RANBP2: variants seen among roughly 807,000 people sequenced by gnomAD.
RANBP2 encodes the protein E3 SUMO-protein ligase RanBP2.
Under a neutral mutation model 303.6 loss-of-function variants are expected in RANBP2, and 57 were observed. The ratio of observed to expected loss-of-function variants is 0.19; its 90% CI spans 0.15 to 0.23. RANBP2 has a LOEUF of 0.23. Among genes scored for constraint, RANBP2 ranks in the 10% least tolerant of loss-of-function variants. RANBP2 has a pLI of 1.00. For missense variants in RANBP2, 3,138 were observed against 3,780.8 expected (o/e 0.83, Z 4.46); for synonymous variants, 1,167 against 1,301.5 (o/e 0.90, Z 2.23).
the RANBP2 span, among the ~76,000 whole-genome samples, chr2:109,117,872 T>C: frequency 1.3e-5 from 2 of 152,204 alleles, no homozygotes; most frequent in African/African-American, 4.8e-5. Flanking sequence ...CATCAGAAAG[T>C]GGAGTCTATT....
the RANBP2 span, among the ~76,000 whole-genome samples, chr2:109,699,050 AC>A: frequency 6.6e-6 from 1 of 152,112 alleles, no homozygotes; most frequent in South Asian, 2.1e-4. Flanking sequence ...AGCCACTTTA[AC>A]CCCAGTTGTA....
At chr2:109,756,569 C>A in the RANBP2 span, among the ~76,000 whole-genome samples, 1 of 121,314 alleles carries the variant, frequency 8.2e-6, no homozygotes, top group Non-Finnish European at 1.8e-5. Context: ...CCTGCAACCA[C>A]TGACATGGTT....
the RANBP2 span, among the ~76,000 whole-genome samples, chr2:109,605,885 C>T: frequency 9.9e-5 from 15 of 152,166 alleles, no homozygotes; most frequent in African/African-American, 3.6e-4. Flanking sequence ...GAAGAGTTAG[C>T]ATGACATCAG....
chr2:109,002,723 T>C, the RANBP2 span, among the ~76,000 whole-genome samples: 1 of 152,074 alleles, frequency 6.6e-6, no homozygotes, highest in African/African-American at 2.4e-5. Flanking sequence ...GGGTTTTGGG[T>C]GTTTTTGTTT....
the RANBP2 span, among the ~76,000 whole-genome samples, chr2:109,169,883 T>C: frequency 6.6e-6 from 1 of 152,150 alleles, no homozygotes; most frequent in Admixed American, 6.5e-5. Context: ...TCCCTCCCAC[T>C]GGCACCTGGC....
chr2:108,739,422 C>T (rs1008287588), intron 6 of RANBP2, among the ~76,000 whole-genome samples: 1 of 152,056 alleles, frequency 6.6e-6, no homozygotes, highest in Non-Finnish European at 1.5e-5. Flanking sequence ...AACAAAAAAA[C>T]TCAGCTCTAC....
At chr2:109,040,352 C>T in the RANBP2 span, among the ~76,000 whole-genome samples, 2 of 152,208 alleles carry the variant, frequency 1.3e-5, no homozygotes, top group Non-Finnish European at 2.9e-5. Context: ...TCATTACTTT[C>T]AGCTTTATAT....
the RANBP2 span, chr2:109,398,635 C>G: frequency 8.8e-6 from 14 of 1,596,898 alleles, no homozygotes; most frequent in Admixed American, 1.9e-4. Flanking sequence ...CAAGCCATGC[C>G]CAGCCGCTGC....
the RANBP2 span, among the ~76,000 whole-genome samples, chr2:109,019,579 C>T: frequency 6.6e-6 from 1 of 152,068 alleles, no homozygotes; most frequent in African/African-American, 2.4e-5. Flanking sequence ...GGAAGAACAC[C>T]CGACATGGGT....
chr2:109,799,221 G>C, the RANBP2 span, among the ~76,000 whole-genome samples: 2 of 120,432 alleles, frequency 1.7e-5, no homozygotes, highest in Admixed American at 1.7e-4. Context: ...CCTGGCGACA[G>C]AGCAAGACTC....
the RANBP2 span, among the ~76,000 whole-genome samples, chr2:109,774,513 T>TATATATAA: frequency 1.0e-4 from 7 of 67,112 alleles, no homozygotes; most frequent in Non-Finnish European, 1.5e-4. Flanking sequence ...TATATATATA[T>TATATATAA]AATATATATT....
chr2:109,112,861 G>A, the RANBP2 span, among the ~76,000 whole-genome samples: 4 of 152,196 alleles, frequency 2.6e-5, no homozygotes, highest in East Asian at 5.8e-4. Flanking sequence ...TGGCTAGCCA[G>A]TTTTCCCAGC....
chr2:109,535,824 A>C, the RANBP2 span, among the ~76,000 whole-genome samples: 1 of 152,168 alleles, frequency 6.6e-6, no homozygotes, highest in Non-Finnish European at 1.5e-5. Flanking sequence ...AAGGCAGAAG[A>C]CAGTGGGTGC....
At chr2:109,334,358 T>TAAAA in the RANBP2 span, among the ~76,000 whole-genome samples, 2 of 126,118 alleles carry the variant, frequency 1.6e-5, no homozygotes, top group Non-Finnish European at 1.6e-5. Flanking sequence ...TTTTTTCCTT[T>TAAAA]AAAAAAAAAA....
At chr2:109,278,432 G>A in the RANBP2 span, among the ~76,000 whole-genome samples, 2 of 152,178 alleles carry the variant, frequency 1.3e-5, no homozygotes, top group East Asian at 3.9e-4. Flanking sequence ...TTGGTGTTCA[G>A]TGTTGTCTGT....
chr2:109,224,850 C>G, the RANBP2 span, among the ~76,000 whole-genome samples: 7 of 152,078 alleles, frequency 4.6e-5, no homozygotes, highest in African/African-American at 1.7e-4. Context: ...GAGCAAGACT[C>G]TGTCTCAAAA....
the RANBP2 span, among the ~76,000 whole-genome samples, chr2:108,874,599 G>T: frequency 6.6e-6 from 1 of 152,060 alleles, no homozygotes; most frequent in Admixed American, 6.6e-5. Flanking sequence ...ATTTTACCAG[G>T]CTTCCATATG....
chr2:109,271,722 C>T, the RANBP2 span, among the ~76,000 whole-genome samples: 1 of 152,342 alleles, frequency 6.6e-6, no homozygotes, highest in South Asian at 2.1e-4. Context: ...CAATTCACTG[C>T]CTGTTTGCAC....
chr2:108,862,080 T>TG, the RANBP2 span, among the ~76,000 whole-genome samples: 9 of 151,276 alleles, frequency 5.9e-5, no homozygotes, highest in Non-Finnish European at 1.0e-4. Context: ...GATTTCAGTT[T>TG]TTTTTTTTTT....
Sources: allele counts gnomAD v4.1 joint callset (sites outside exome capture counted in the v4.1 genomes callset), GRCh38; gene constraint gnomAD v4.1.1; transcripts MANE v1.5; gene names NCBI Gene and HGNC (gene_info 2026-07-23, HGNC 2026-07-21).